Variants in ADAMTS3 observed in about 807,000 individuals in gnomAD.
ADAMTS3 encodes ADAM metallopeptidase with thrombospondin type 1 motif 3.
In ADAMTS3, 73 loss-of-function variants were observed where a neutral mutation model predicts 129.0. The ratio of observed to expected loss-of-function variants is 0.57; its 90% CI spans 0.47 to 0.69. ADAMTS3 has a LOEUF of 0.69. Among genes scored for constraint, ADAMTS3 ranks in the 30% least tolerant of loss-of-function variants. ADAMTS3 has a pLI of 0.00. For missense variants in ADAMTS3, 1,457 were observed against 1,514.5 expected, an observed-to-expected ratio of 0.96 and a Z score of 0.63; for synonymous variants, 477 against 510.8, an observed-to-expected ratio of 0.93 and a Z score of 0.89.
chr4:72,298,548 T>G (rs1718867878), intron 17 of ADAMTS3, 106 bp from the exon 18 acceptor site: 1 of 787,458 alleles, frequency 1.3e-6, no homozygotes, highest in Non-Finnish European at 1.9e-6. Flanking sequence ...CTGAAAACTT[T>G]CAAATAGTTT....
At chr4:72,303,767 TG>T in intron 17 of ADAMTS3, 149 bp downstream of exon 17, 1 of 717,386 alleles carries the variant, frequency 1.4e-6, no homozygotes. Context: ...GCACAAAGAG[TG>T]GGGGGAAAGA....
At chr4:72,527,537 C>A (rs974761470) in intron 3 of ADAMTS3, among the ~76,000 whole-genome samples, 1 of 152,058 alleles carries the variant, frequency 6.6e-6, no homozygotes, top group African/African-American at 2.4e-5. Context: ...AATGACTCAG[C>A]CAAGTTCTAT....
At chr4:72,475,422 T>C (rs892156443) in intron 3 of ADAMTS3, among the ~76,000 whole-genome samples, 2 of 151,870 alleles carry the variant, frequency 1.3e-5, no homozygotes, top group African/African-American at 4.8e-5. Flanking sequence ...GAAAGAGATA[T>C]TATATAATTA....
chr4:72,387,896 A>T (rs1324219095), intron 4 of ADAMTS3, among the ~76,000 whole-genome samples: 1 of 152,130 alleles, frequency 6.6e-6, no homozygotes, highest in South Asian at 2.1e-4. Flanking sequence ...GCAAGTTCCT[A>T]AAGAGTGCTA....
chr4:72,536,429 C>T (rs1211056168), intron 3 of ADAMTS3, among the ~76,000 whole-genome samples: 3 of 152,094 alleles, frequency 2.0e-5, no homozygotes, highest in Admixed American at 6.5e-5. Flanking sequence ...GTTACTGCAG[C>T]GTATTTTATT....
At chr4:72,340,602 A>C (rs1024978323) in intron 4 of ADAMTS3, among the ~76,000 whole-genome samples, 2 of 152,056 alleles carry the variant, frequency 1.3e-5, no homozygotes, top group Non-Finnish European at 2.9e-5. Context: ...TATTTAATGC[A>C]GTTCAAGAAA....
At position 72,282,398 on chromosome 4, in the gene ADAMTS3, T is replaced by G. The variant is rs1718374040; in HGVS notation, c.*738A>C. On this transcript the variant is annotated 3_prime_UTR_variant, in exon 22 of 22. Coordinates refer to ENST00000286657, the MANE Select transcript of ADAMTS3 (RefSeq NM_014243.3). ...AAGGCAATAGGTAAGCTGATATCTGTATATCTATAGCTTTTGTGTTTCTTT... is the reference window on the plus strand; with the variant it reads ...AAGGCAATAGGTAAGCTGATATCTGGATATCTATAGCTTTTGTGTTTCTTT... 6.6e-6 allele frequency: 1 copy of G among 152,180 alleles called. No homozygotes were observed. The highest frequency in any genetic ancestry group is 1.5e-5 in the Non-Finnish European group (1 of 68,044). The allele number at this position is 152,180 out of a possible 1,614,324, so 9.4% of individuals were successfully genotyped here.
rs189066422 is a variant in ADAMTS3 at position 72,415,653 on chromosome 4, T to C, written c.505-682A>G. ...CATCCTTTCACACTGAAAAGCCTAC[T>C]CTTGCTTTCAATTCCTTCCATCTCT... is the stretch of plus-strand genomic sequence containing the variant. On this transcript the variant is annotated intron_variant, in intron 3 of 21. Transcript: ENST00000286657. Among the ~76,000 whole-genome samples, 906 of 152,098 alleles carry C rather than the reference T, an allele frequency of 6.0e-3. 6 individuals carry two copies. Among genetic ancestry groups the C allele is most frequent in the Middle Eastern group, 0.01 (3 of 294 alleles).
chr4:72,375,076 T>C (rs1721104043), intron 4 of ADAMTS3, among the ~76,000 whole-genome samples: 1 of 152,172 alleles, frequency 6.6e-6, no homozygotes, highest in Non-Finnish European at 1.5e-5. Context: ...CTTCTTAATC[T>C]CAATCTTCTT....
intron 4 of ADAMTS3, among the ~76,000 whole-genome samples, chr4:72,351,990 G>A (rs1162568800): frequency 6.7e-6 from 1 of 150,194 alleles, no homozygotes; most frequent in Non-Finnish European, 1.5e-5. Context: ...CAAGCAGTAT[G>A]AAACAGCTCA....
intron 2 of ADAMTS3, among the ~76,000 whole-genome samples, chr4:72,551,509 C>A (rs1721645652): frequency 6.6e-6 from 1 of 152,100 alleles, no homozygotes; most frequent in African/African-American, 2.4e-5. Flanking sequence ...TTGAATGAGT[C>A]ATTTTTCTGT....
At chr4:72,530,215 AAT>A (rs377001555) in intron 3 of ADAMTS3, among the ~76,000 whole-genome samples, 40,219 of 71,212 alleles carry the variant, frequency 0.56, 11,754 homozygotes, top group East Asian at 0.68. Flanking sequence ...ATGTTATTTT[AAT>A]ATATATATAT....
chr4:72,320,792 A>G lies in ADAMTS3; in HGVS notation c.1024T>C (p.Ser342Pro). The change falls in exon 7 of 22, where the codon TCT (serine) becomes CCT (proline). Residue 342 changes from serine to proline, a missense_variant. Physicochemically the swap from Ser to Pro is moderately conservative, Grantham distance 74. Transcript: ENST00000286657. ...VCRWASQQQRSDLNHSEHHDH... is the reference protein window; with the variant it reads ...VCRWASQQQRPDLNHSEHHDH... ...TGGTGTTCAGAGTGGTTGAGATCAG[A>G]TCTTTGCTGTTGGGACGCCCAGCGA... 6.2e-7 allele frequency: 1 copy of G among 1,614,042 alleles called. No homozygotes were observed. Among genetic ancestry groups the G allele is most frequent in the Non-Finnish European group, 8.5e-7 (1 of 1,179,932 alleles).
At chr4:72,303,573 T>C (rs1434272001) in intron 17 of ADAMTS3, among the ~76,000 whole-genome samples, 1 of 151,886 alleles carries the variant, frequency 6.6e-6, no homozygotes, top group Non-Finnish European at 1.5e-5. Context: ...TAAATGATAC[T>C]AGATGGAACG....
At chr4:72,550,453 T>C (rs1721618419) in intron 2 of ADAMTS3, among the ~76,000 whole-genome samples, 1 of 152,200 alleles carries the variant, frequency 6.6e-6, no homozygotes, top group Admixed American at 6.5e-5. Context: ...CTGTGCATGT[T>C]TGCTGTAATT....
At chr4:72,557,108 A>G (rs886713157) in intron 2 of ADAMTS3, among the ~76,000 whole-genome samples, 2 of 151,888 alleles carry the variant, frequency 1.3e-5, no homozygotes, top group African/African-American at 4.9e-5. Flanking sequence ...TTCTTTTATC[A>G]GGTATAAATT....
chr4:72,310,988 G>C (rs942270980), intron 14 of ADAMTS3, 60 bp downstream of exon 14: 105 of 1,444,068 alleles, frequency 7.3e-5, no homozygotes, highest in Non-Finnish European at 9.4e-5. Flanking sequence ...AAAATGTGCA[G>C]ATGAATGACA....
In ADAMTS3 at chr4:72,398,199, A is replaced by C. The variant is rs75953979; in HGVS notation, c.661+16616T>G. Among the ~76,000 whole-genome samples, 1,076 of 152,286 alleles carry C rather than the reference A, an allele frequency of 7.1e-3. 9 individuals carry two copies. The highest frequency in any genetic ancestry group is 0.025 in the African/African-American group (1,040 of 41,552). Reference sequence around the variant, plus strand: ...GAGAGCCATGTTGAGGGGGAGCTCTATAACAGATAAAGGGTGCAAAACAAA... The same window carrying C: ...GAGAGCCATGTTGAGGGGGAGCTCTCTAACAGATAAAGGGTGCAAAACAAA... On this transcript the variant is annotated intron_variant, in intron 4 of 21. Coordinates refer to ENST00000286657, the MANE Select transcript of ADAMTS3 (RefSeq NM_014243.3).
intron 3 of ADAMTS3, among the ~76,000 whole-genome samples, chr4:72,536,653 A>G (rs951815424): frequency 5.9e-5 from 9 of 152,206 alleles, no homozygotes; most frequent in Non-Finnish European, 1.5e-5. Flanking sequence ...AACTTGCTCA[A>G]GGTCATGAGG....
Sources: gnomAD v4.1 joint callset for allele counts (sites outside exome capture counted in the v4.1 genomes callset) on GRCh38, gnomAD v4.1.1 for gene constraint, MANE v1.5 for transcripts, NCBI Gene and HGNC (gene_info 2026-07-23, HGNC 2026-07-21) for gene names.